ACOXL: variants seen among roughly 807,000 people sequenced by gnomAD.
ACOXL encodes the protein acyl-CoA oxidase like.
In ACOXL, 70 loss-of-function variants were observed where a neutral mutation model predicts 71.9. The ratio of observed to expected loss-of-function variants is 0.97; its 90% CI spans 0.80 to 1.19. The LOEUF is 1.19. ACOXL is among the 50% of genes most tolerant of loss of function. The pLI, the probability that ACOXL is intolerant of heterozygous loss-of-function variation, is 0.00. For missense variants in ACOXL, 703 were observed against 736.3 expected (o/e 0.95, Z 0.52); for synonymous variants, 253 against 281.6 (o/e 0.90, Z 1.02).
At chr2:111,105,176 A>G (rs919829474) in intron 17 of ACOXL, among the ~76,000 whole-genome samples, 1 of 152,012 alleles carries the variant, frequency 6.6e-6, no homozygotes, top group Non-Finnish European at 1.5e-5. Context: ...GCATTTTCCT[A>G]CTTTATCTAT....
chr2:110,819,263 A>C (rs1188457173), intron 9 of ACOXL, among the ~76,000 whole-genome samples: 1 of 152,226 alleles, frequency 6.6e-6, no homozygotes, highest in Admixed American at 6.5e-5. Context: ...AAGATTCTGC[A>C]GTTTATTCTG....
At chr2:111,013,522 CAAAAAA>C (rs56905916) in intron 14 of ACOXL, among the ~76,000 whole-genome samples, 172 of 95,520 alleles carry the variant, frequency 1.8e-3, no homozygotes, top group Middle Eastern at 5.4e-3. Context: ...GACCCTGTCT[CAAAAAA>C]AAAAAAAAAA....
intron 16 of ACOXL, among the ~76,000 whole-genome samples, chr2:111,051,250 C>T (rs1380065703): frequency 1.3e-5 from 2 of 151,978 alleles, no homozygotes; most frequent in African/African-American, 4.8e-5. Context: ...CAGAAGGCAC[C>T]ATGTGGGTGT....
At chr2:111,048,332 G>C (rs1288224847) in intron 15 of ACOXL, among the ~76,000 whole-genome samples, 1 of 152,246 alleles carries the variant, frequency 6.6e-6, no homozygotes, top group Non-Finnish European at 1.5e-5. Flanking sequence ...AGGGTAAAGA[G>C]TGAACGCAGC....
chr2:110,804,358 A>G (rs1573595609), intron 8 of ACOXL, among the ~76,000 whole-genome samples: 1 of 152,174 alleles, frequency 6.6e-6, no homozygotes, highest in African/African-American at 2.4e-5. Context: ...ACTGTTTGTT[A>G]TACATTGCTG....
intron 12 of ACOXL, 73 bp from the exon 13 acceptor site, chr2:110,987,035 T>A: frequency 8.4e-7 from 1 of 1,187,790 alleles, no homozygotes; most frequent in Non-Finnish European, 1.2e-6. Context: ...ATAGATCTTA[T>A]TGGGTTGCAG....
chr2:110,847,633 C>A (rs1190633724), intron 10 of ACOXL, among the ~76,000 whole-genome samples: 1 of 152,218 alleles, frequency 6.6e-6, no homozygotes, highest in African/African-American at 2.4e-5. Context: ...TGACTTCTTT[C>A]TATTGGCTTC....
At chr2:111,066,162 CTG>C (rs1246968632) in intron 16 of ACOXL, among the ~76,000 whole-genome samples, 1 of 152,156 alleles carries the variant, frequency 6.6e-6, no homozygotes, top group Non-Finnish European at 1.5e-5. Flanking sequence ...ATTAAGGAAA[CTG>C]TGGTATGTGC....
intron 15 of ACOXL, among the ~76,000 whole-genome samples, chr2:111,046,309 A>C (rs924523349): frequency 7.2e-5 from 11 of 152,208 alleles, no homozygotes; most frequent in African/African-American, 2.7e-4. Context: ...TGGAAGTGGC[A>C]GAGGGAAGAT....
At chr2:110,748,874 A>G (rs1174943614) in intron 1 of ACOXL, among the ~76,000 whole-genome samples, 1 of 152,156 alleles carries the variant, frequency 6.6e-6, no homozygotes, top group African/African-American at 2.4e-5. Context: ...AGCATTTTTT[A>G]TTCTTGCCGT....
rs531741447 is a variant in ACOXL at position 110,768,799 on chromosome 2, G to A, written c.75+335G>A. 5.9e-5 allele frequency among the ~76,000 whole-genome samples: 9 copies of A among 151,972 alleles called. No individual in the cohort carries two copies. The East Asian group carries it at 7.7e-4, about 13-fold the overall frequency. ...CTCTCACTTATAAGTAAGAACGTGCGGTATTTGGTTTTCTGTTCCTATGTT... is the reference window on the plus strand; with the variant it reads ...CTCTCACTTATAAGTAAGAACGTGCAGTATTTGGTTTTCTGTTCCTATGTT... On this transcript the variant is annotated intron_variant, in intron 2 of 17. Transcript: ENST00000439055.
At position 110,759,718 on chromosome 2, in the gene ACOXL, T is replaced by A. The variant is rs530863288; in HGVS notation, c.-22-8650T>A. ...GACTATTTTTGTTTGTTTCTTTTTATATTTGAATTTTAAAATCACTTGTTG... is the reference window on the plus strand; with the variant it reads ...GACTATTTTTGTTTGTTTCTTTTTAAATTTGAATTTTAAAATCACTTGTTG... On this transcript the variant is annotated intron_variant, in intron 1 of 17. Coordinates refer to ENST00000439055, the MANE Select transcript of ACOXL (RefSeq NM_001142807.4). Among the ~76,000 whole-genome samples, 10 of 152,324 alleles carry A rather than the reference T, an allele frequency of 6.6e-5. No homozygotes were observed. In the South Asian group the frequency reaches 2.1e-3, roughly 32 times the overall value.
In ACOXL at chr2:110,753,274, G is replaced by A. The variant is rs569010906; in HGVS notation, c.-22-15094G>A. On this transcript the variant is annotated intron_variant, in intron 1 of 17. Transcript: ENST00000439055. ...CATCAGAAGCCGAGCAAATGCTGAT[G>A]CCATGCTTGTACAGCCTGCAGAATT... is the stretch of plus-strand genomic sequence containing the variant. 3.9e-5 allele frequency among the ~76,000 whole-genome samples: 6 copies of A among 152,246 alleles called. No homozygotes were observed. In the South Asian group the frequency reaches 8.3e-4, roughly 21 times the overall value.
At chr2:111,006,848 C>T (rs543424560) in intron 14 of ACOXL, among the ~76,000 whole-genome samples, 6 of 152,188 alleles carry the variant, frequency 3.9e-5, no homozygotes, top group South Asian at 4.2e-4. Context: ...CATGAGCCAC[C>T]GCACCCGGCT....
intron 10 of ACOXL, among the ~76,000 whole-genome samples, chr2:110,856,500 G>A (rs574811745): frequency 3.3e-5 from 5 of 152,282 alleles, no homozygotes; most frequent in African/African-American, 7.2e-5. Context: ...AGGTAAAAAA[G>A]TGAAAGTTCT....
intron 15 of ACOXL, among the ~76,000 whole-genome samples, chr2:111,037,702 G>A (rs577829621): frequency 6.6e-6 from 1 of 152,176 alleles, no homozygotes; most frequent in East Asian, 1.9e-4. Context: ...GCTCAGAGGG[G>A]TGAACAACTG....
chr2:110,786,309 G>A (rs1683957525), intron 3 of ACOXL, among the ~76,000 whole-genome samples: 1 of 152,190 alleles, frequency 6.6e-6, no homozygotes, highest in Non-Finnish European at 1.5e-5. Context: ...TTGTCTATTG[G>A]TAGGTAGGAA....
At chr2:110,779,966 A>G (rs1486026572) in intron 2 of ACOXL, among the ~76,000 whole-genome samples, 1 of 152,264 alleles carries the variant, frequency 6.6e-6, no homozygotes, top group East Asian at 1.9e-4. Context: ...GGTCTACAAT[A>G]AAATTAAGAA....
At chr2:110,920,448 C>G (rs747324630) in intron 11 of ACOXL, among the ~76,000 whole-genome samples, 1 of 152,052 alleles carries the variant, frequency 6.6e-6, no homozygotes, top group Non-Finnish European at 1.5e-5. Context: ...TTGTTGAGTG[C>G]AAGAGTTCTT....
Sources: gnomAD v4.1 joint callset for allele counts (sites outside exome capture counted in the v4.1 genomes callset) on GRCh38, gnomAD v4.1.1 for gene constraint, MANE v1.5 for transcripts, NCBI Gene and HGNC (gene_info 2026-07-23, HGNC 2026-07-21) for gene names.